Variants in MARCHF3 observed in about 807,000 individuals in gnomAD.
MARCHF3 encodes membrane associated ring-CH-type finger 3.
Under a neutral mutation model 24.2 loss-of-function variants are expected in MARCHF3, and 13 were observed. The observed-to-expected ratio is 0.54, with a 90% CI of 0.35 to 0.85. MARCHF3 has a LOEUF of 0.85. MARCHF3 is among the 40% of genes least tolerant of loss of function. The pLI is 0.01. For missense variants in MARCHF3, 276 were observed against 325.0 expected, an observed-to-expected ratio of 0.85 and a Z score of 1.16; for synonymous variants, 144 against 137.3, an observed-to-expected ratio of 1.05 and a Z score of -0.34.
intron 1 of MARCHF3, among the ~76,000 whole-genome samples, chr5:126,989,289 C>T (rs1237259231): frequency 6.7e-6 from 1 of 148,584 alleles, no homozygotes; most frequent in African/African-American, 2.6e-5. Flanking sequence ...TAGAATACTA[C>T]TACTACTACT....
intron 1 of MARCHF3, among the ~76,000 whole-genome samples, chr5:127,003,254 C>A (rs1356040360): frequency 6.6e-6 from 1 of 151,400 alleles, no homozygotes; most frequent in African/African-American, 2.4e-5. Context: ...CCGAGGCGGG[C>A]GGAACACGAG....
chr5:126,965,421 C>A (rs1355479669), intron 1 of MARCHF3, among the ~76,000 whole-genome samples: 1 of 152,190 alleles, frequency 6.6e-6, no homozygotes, highest in Non-Finnish European at 1.5e-5. Context: ...ACCACAAAAA[C>A]TGCCAAGATG....
intron 1 of MARCHF3, among the ~76,000 whole-genome samples, chr5:126,950,215 G>C (rs1257139180): frequency 1.3e-5 from 2 of 152,140 alleles, no homozygotes; most frequent in Admixed American, 1.3e-4. Context: ...CTGTCAACTC[G>C]ATGCCTGCAC....
intron 1 of MARCHF3, among the ~76,000 whole-genome samples, chr5:126,919,685 C>A (rs1272989385): frequency 6.6e-6 from 1 of 152,214 alleles, no homozygotes; most frequent in Non-Finnish European, 1.5e-5. Flanking sequence ...TCCCTCCCGA[C>A]ACGCACATGT....
chr5:126,981,098 G>C (rs1751380234), intron 1 of MARCHF3, among the ~76,000 whole-genome samples: 1 of 152,144 alleles, frequency 6.6e-6, no homozygotes, highest in Non-Finnish European at 1.5e-5. Context: ...GCACTCTGTT[G>C]AACTTGCAGA....
chr5:126,918,232 G>T lies in MARCHF3; in HGVS notation c.-56-5C>A. The T allele has an allele frequency of 1.3e-6, 2 of 1,514,384 alleles. No individual in the cohort carries two copies. Among genetic ancestry groups the T allele is most frequent in the Non-Finnish European group, 1.8e-6 (2 of 1,129,808 alleles). The allele number at this position is 1,514,384 out of a possible 1,614,324, so 93.8% of individuals were successfully genotyped here. The stretch of plus-strand genomic sequence containing the variant: ...ACATTCATACAGGATTTCCATCTAA[G>T]AGAGATCAGAAAACAGTTTACTTGG... On this transcript the variant is annotated splice_region_variant and splice_polypyrimidine_tract_variant and intron_variant, in intron 1 of 4. Coordinates refer to ENST00000308660, the MANE Select transcript of MARCHF3 (RefSeq NM_178450.5).
intron 1 of MARCHF3, among the ~76,000 whole-genome samples, chr5:126,966,052 A>T (rs1750803114): frequency 6.6e-6 from 1 of 152,222 alleles, no homozygotes; most frequent in Non-Finnish European, 1.5e-5. Flanking sequence ...GATGCATCTC[A>T]TAGATATCAT....
chr5:126,942,139 T>G (rs1190444581), intron 1 of MARCHF3, among the ~76,000 whole-genome samples: 1 of 152,210 alleles, frequency 6.6e-6, no homozygotes, highest in Non-Finnish European at 1.5e-5. Flanking sequence ...TCATGTGGCT[T>G]AAGAAGCAAT....
chr5:126,923,781 G>A (rs1561430262), intron 1 of MARCHF3, among the ~76,000 whole-genome samples: 1 of 152,168 alleles, frequency 6.6e-6, no homozygotes, highest in African/African-American at 2.4e-5. Flanking sequence ...CATGTTAAGT[G>A]TTCTTACTGC....
At chr5:127,007,220 G>A (rs760708642) in intron 1 of MARCHF3, among the ~76,000 whole-genome samples, 35 of 151,526 alleles carry the variant, frequency 2.3e-4, no homozygotes, top group Non-Finnish European at 4.3e-4. Flanking sequence ...TCCTTCCACA[G>A]CATTTTTCTG....
chr5:127,012,754 T>C (rs747374893), intron 1 of MARCHF3, among the ~76,000 whole-genome samples: 1 of 152,226 alleles, frequency 6.6e-6, no homozygotes, highest in Non-Finnish European at 1.5e-5. Context: ...TAAAGTTGAT[T>C]TACTAGGCAA....
intron 1 of MARCHF3, among the ~76,000 whole-genome samples, chr5:126,950,991 C>T (rs891213128): frequency 1.3e-5 from 2 of 152,124 alleles, no homozygotes; most frequent in Non-Finnish European, 2.9e-5. Context: ...CATCTCCCTC[C>T]AGTTTCCTTC....
intron 1 of MARCHF3, among the ~76,000 whole-genome samples, chr5:127,019,518 T>C (rs772623758): frequency 3.3e-5 from 5 of 152,212 alleles, no homozygotes; most frequent in Non-Finnish European, 5.9e-5. Flanking sequence ...TTAGCAATAA[T>C]TTCATATTCT....
chr5:126,904,205 G>C (rs1335542889), intron 3 of MARCHF3, among the ~76,000 whole-genome samples: 1 of 147,518 alleles, frequency 6.8e-6, no homozygotes, highest in Non-Finnish European at 1.5e-5. Context: ...TCTTAATCCA[G>C]TCTATCATTG....
chr5:126,936,839 C>T (rs183462612), intron 1 of MARCHF3, among the ~76,000 whole-genome samples: 2 of 152,250 alleles, frequency 1.3e-5, no homozygotes, highest in Non-Finnish European at 2.9e-5. Flanking sequence ...TTCCTTTATT[C>T]CGTAGGTGCA....
At chr5:126,876,489 G>A (rs1753162080) in intron 4 of MARCHF3, among the ~76,000 whole-genome samples, 1 of 152,210 alleles carries the variant, frequency 6.6e-6, no homozygotes. Context: ...GAGCCTCACA[G>A]AAGCCAAATG....
At chr5:126,913,982 T>C (rs1282826123) in intron 3 of MARCHF3, among the ~76,000 whole-genome samples, 1 of 142,170 alleles carries the variant, frequency 7.0e-6, no homozygotes, top group African/African-American at 2.6e-5. Context: ...CCAACTTTTT[T>C]TTTTTTTTTT....
At chr5:127,017,624 C>G (rs1752674701) in intron 1 of MARCHF3, among the ~76,000 whole-genome samples, 1 of 152,080 alleles carries the variant, frequency 6.6e-6, no homozygotes, top group African/African-American at 2.4e-5. Flanking sequence ...TCTCATGTAA[C>G]TTATTGCATA....
chr5:126,942,174 G>A (rs1296268558), intron 1 of MARCHF3, among the ~76,000 whole-genome samples: 4 of 152,064 alleles, frequency 2.6e-5, no homozygotes, highest in Non-Finnish European at 4.4e-5. Context: ...CTCCACTATG[G>A]CCATCATAGC....
Sources: allele counts gnomAD v4.1 joint callset (sites outside exome capture counted in the v4.1 genomes callset), GRCh38; gene constraint gnomAD v4.1.1; transcripts MANE v1.5; gene names NCBI Gene and HGNC (gene_info 2026-07-23, HGNC 2026-07-21).